FBXO16: variants seen among roughly 807,000 people sequenced by gnomAD.
FBXO16 encodes the protein F-box protein 16, also known as F-box only protein 16.
In FBXO16, 31 loss-of-function variants were observed where a neutral mutation model predicts 41.0. The observed-to-expected ratio is 0.76, with a 90% CI of 0.57 to 1.02. The LOEUF is 1.02. Ranked by LOEUF, FBXO16 falls within the 50% of genes least tolerant of loss-of-function variation. The probability of loss-of-function intolerance (pLI) is 0.00; values close to 1 mark genes in which losing one functional copy is unlikely to be tolerated. For synonymous variants in FBXO16, 133 were observed against 117.8 expected (o/e 1.13, Z -0.84); for missense variants, 361 against 346.2 (o/e 1.04, Z -0.34).
chr8:28,485,689 G>C (rs1036724954), intron 1 of FBXO16, among the ~76,000 whole-genome samples: 10 of 152,296 alleles, frequency 6.6e-5, no homozygotes, highest in Admixed American at 5.2e-4. Flanking sequence ...CAGCACTCAG[G>C]TTCTTTTCAG....
chr8:28,432,719 A>C (rs1026756691), intron 7 of FBXO16, among the ~76,000 whole-genome samples: 2 of 152,142 alleles, frequency 1.3e-5, no homozygotes, highest in Non-Finnish European at 2.9e-5. Context: ...GCCAATGGCC[A>C]TGCCGTCCAT....
At chr8:28,432,794 C>T (rs572752522) in intron 7 of FBXO16, among the ~76,000 whole-genome samples, 2 of 152,188 alleles carry the variant, frequency 1.3e-5, no homozygotes, top group South Asian at 2.1e-4. Context: ...TGGTGGCTCA[C>T]GCCTGTAATC....
At chr8:28,446,033 G>T (rs1027580807) in intron 7 of FBXO16, among the ~76,000 whole-genome samples, 2 of 152,068 alleles carry the variant, frequency 1.3e-5, no homozygotes, top group African/African-American at 4.8e-5. Context: ...TCGGAGCCAC[G>T]ATTTGGGAAA....
chr8:28,463,340 G>A (rs1362397157), intron 4 of FBXO16, among the ~76,000 whole-genome samples: 1 of 151,392 alleles, frequency 6.6e-6, no homozygotes, highest in African/African-American at 2.4e-5. Context: ...GTGTTTGTGT[G>A]TATATTTGTG....
intron 3 of FBXO16, among the ~76,000 whole-genome samples, chr8:28,466,337 CT>C (rs1010792424): frequency 6.6e-6 from 1 of 152,172 alleles, no homozygotes; most frequent in African/African-American, 2.4e-5. Flanking sequence ...ACAAATCTCA[CT>C]TTGGAGACTA....
intron 6 of FBXO16, among the ~76,000 whole-genome samples, chr8:28,451,848 G>A (rs1190637811): frequency 1.3e-5 from 2 of 152,000 alleles, no homozygotes; most frequent in Admixed American, 6.6e-5. Flanking sequence ...GCTGGGCATC[G>A]TGGCGGTCGC....
rs149643813 is a variant in FBXO16 at position 28,477,585 on chromosome 8, T to C, written c.100-3778A>G. 1.6e-4 allele frequency among the ~76,000 whole-genome samples: 25 copies of C among 152,364 alleles called. No homozygotes were observed. The East Asian group carries it at 4.2e-3, about 26-fold the overall frequency. ...ATATGTATGGGTGTGTGTGTATGTATAATATACGATACATATTTATGTTCT... is the reference window on the plus strand; with the variant it reads ...ATATGTATGGGTGTGTGTGTATGTACAATATACGATACATATTTATGTTCT... On this transcript the variant is annotated intron_variant, in intron 2 of 8. Coordinates refer to ENST00000380254, the MANE Select transcript of FBXO16 (RefSeq NM_172366.4).
intron 2 of FBXO16, among the ~76,000 whole-genome samples, chr8:28,482,052 G>A (rs111389412): frequency 6.6e-6 from 1 of 152,152 alleles, no homozygotes; most frequent in African/African-American, 2.4e-5. Context: ...CACACCTGTG[G>A]GACGGGGAGG....
intron 2 of FBXO16, among the ~76,000 whole-genome samples, chr8:28,478,566 T>C (rs1354398092): frequency 6.6e-6 from 1 of 152,176 alleles, no homozygotes; most frequent in African/African-American, 2.4e-5. Context: ...GACTCATGCC[T>C]ATAATCCAGC....
intron 5 of FBXO16, among the ~76,000 whole-genome samples, chr8:28,454,679 G>C (rs896881898): frequency 7.2e-6 from 1 of 139,780 alleles, no homozygotes; most frequent in East Asian, 2.1e-4. Context: ...AGTGAGCCGA[G>C]ATGGCGCCAC....
intron 2 of FBXO16, among the ~76,000 whole-genome samples, chr8:28,476,965 T>A (rs1292116489): frequency 6.6e-6 from 1 of 152,248 alleles, no homozygotes; most frequent in Non-Finnish European, 1.5e-5. Flanking sequence ...GTTACCTTTC[T>A]ATGTATGTGT....
At chr8:28,439,760 T>A (rs1802737910) in intron 7 of FBXO16, among the ~76,000 whole-genome samples, 1 of 151,634 alleles carries the variant, frequency 6.6e-6, no homozygotes, top group Non-Finnish European at 1.5e-5. Context: ...AAAAAAAAAT[T>A]AAATTTAAAT....
chr8:28,452,322 G>T lies in FBXO16; in HGVS notation c.662C>A (p.Ser221Tyr). ...SGEKALPPWR[S>Y]SDKHPTDIIR... is the part of the protein sequence containing the mutation. ...GATATCTGTTGGGTGCTTATCAGAA[G>T]ATCGCCAGGGTGGAAGTGCTTTCTC... is the stretch of plus-strand genomic sequence containing the variant. Residue 221 changes from serine to tyrosine, a missense_variant, in exon 6 of 9, where the codon TCT becomes TAT. Transcript: ENST00000380254. 1.2e-6 allele frequency: 2 copies of T among 1,614,212 alleles called. No homozygotes were observed. Among genetic ancestry groups the T allele is most frequent in the South Asian group, 2.2e-5 (2 of 91,090 alleles).
In FBXO16 at chr8:28,464,660, A is replaced by AT. The variant is rs887336206; in HGVS notation, c.136-843dup. Among the ~76,000 whole-genome samples the AT allele has an allele frequency of 1.9e-3, 284 of 149,552 alleles. 1 individual carries two copies. Among genetic ancestry groups the AT allele is most frequent in the African/African-American group, 6.3e-3 (257 of 40,968 alleles). On this transcript the variant is annotated intron_variant, in intron 3 of 8. Coordinates refer to ENST00000380254, the MANE Select transcript of FBXO16 (RefSeq NM_172366.4). ...ATTCAGTACAGTTATTATAAACAGA[A>AT]TTTTTTTTTTTGAGACGGAGTCTCA...
chr8:28,478,360 C>T (rs1449709930), intron 2 of FBXO16, among the ~76,000 whole-genome samples: 1 of 152,160 alleles, frequency 6.6e-6, no homozygotes, highest in African/African-American at 2.4e-5. Flanking sequence ...CTTGAGAGAG[C>T]CGCCTTGCCC....
intron 3 of FBXO16, among the ~76,000 whole-genome samples, chr8:28,469,012 A>C (rs1803288477): frequency 6.6e-6 from 1 of 152,204 alleles, no homozygotes; most frequent in South Asian, 2.1e-4. Context: ...AATTAAAAAA[A>C]AATTTTTTTA....
chr8:28,471,206 G>C (rs1174011242), intron 3 of FBXO16, among the ~76,000 whole-genome samples: 1 of 152,058 alleles, frequency 6.6e-6, no homozygotes, highest in East Asian at 1.9e-4. Flanking sequence ...CATTAGACAG[G>C]TATGGCCAAA....
At chr8:28,443,879 G>A (rs1466314011) in intron 7 of FBXO16, among the ~76,000 whole-genome samples, 2 of 152,162 alleles carry the variant, frequency 1.3e-5, no homozygotes, top group Non-Finnish European at 2.9e-5. Context: ...CCATGGCAAC[G>A]TCAGAAAATT....
chr8:28,468,532 T>G (rs1240714107), intron 3 of FBXO16, among the ~76,000 whole-genome samples: 1 of 152,142 alleles, frequency 6.6e-6, no homozygotes, highest in Non-Finnish European at 1.5e-5. Context: ...GTTTTTGTCT[T>G]AAAAGTTTCA....
Sources: gnomAD v4.1 joint callset for allele counts (sites outside exome capture counted in the v4.1 genomes callset) on GRCh38, gnomAD v4.1.1 for gene constraint, MANE v1.5 for transcripts, NCBI Gene and HGNC (gene_info 2026-07-23, HGNC 2026-07-21) for gene names.